Variants in ZEB1 observed in about 807,000 individuals in gnomAD.
ZEB1 encodes the protein zinc finger E-box-binding homeobox 1.
In ZEB1, 21 loss-of-function variants were observed where a neutral mutation model predicts 84.9. The ratio of observed to expected loss-of-function variants is 0.25; its 90% CI spans 0.18 to 0.36. ZEB1 has a LOEUF of 0.36. ZEB1 is among the 10% of genes least tolerant of loss of function. ZEB1 has a pLI of 1.00. For missense variants in ZEB1, 1,104 were observed against 1,330.2 expected (o/e 0.83, Z 2.65); for synonymous variants, 420 against 471.1 (o/e 0.89, Z 1.41).
intron 2 of ZEB1, among the ~76,000 whole-genome samples, chr10:31,465,177 T>C (rs1439056052): frequency 6.6e-6 from 1 of 152,174 alleles, no homozygotes; most frequent in Non-Finnish European, 1.5e-5. Flanking sequence ...TGTGTAAATG[T>C]CTTGTAACTC....
intron 1 of ZEB1, among the ~76,000 whole-genome samples, chr10:31,441,884 C>T (rs2059042625): frequency 1.3e-5 from 2 of 152,164 alleles, no homozygotes; most frequent in Non-Finnish European, 2.9e-5. Flanking sequence ...GTTAGAATGG[C>T]AATCATTAAA....
chr10:31,327,099 C>CTTTTTTTTTTTTTTTTTTTTTTTTT (rs71527629), intron 1 of ZEB1, among the ~76,000 whole-genome samples: 7 of 84,932 alleles, frequency 8.2e-5, no homozygotes, highest in African/African-American at 1.0e-4. Context: ...CTTTTCTTTT[C>CTTTTTTTTTTTTTTTTTTTTTTTTT]TTTTTTTTTT....
At chr10:31,493,282 G>C (rs555554355) in intron 2 of ZEB1, among the ~76,000 whole-genome samples, 1 of 151,958 alleles carries the variant, frequency 6.6e-6, no homozygotes, top group Non-Finnish European at 1.5e-5. Context: ...GCTGTTGCTT[G>C]TATCAATAGT....
At chr10:31,488,901 C>G (rs1394942619) in intron 2 of ZEB1, among the ~76,000 whole-genome samples, 1 of 151,290 alleles carries the variant, frequency 6.6e-6, no homozygotes, top group East Asian at 1.9e-4. Flanking sequence ...GGTGTGTCTA[C>G]ATGAATATTT....
At chr10:31,445,021 G>T (rs368813603) in intron 1 of ZEB1, among the ~76,000 whole-genome samples, 1 of 148,948 alleles carries the variant, frequency 6.7e-6, no homozygotes, top group Non-Finnish European at 1.5e-5. Flanking sequence ...GGCCATTTTC[G>T]CGATATTGAT....
intron 1 of ZEB1, among the ~76,000 whole-genome samples, chr10:31,447,985 C>T (rs1414922154): frequency 1.3e-5 from 2 of 151,538 alleles, no homozygotes; most frequent in Non-Finnish European, 2.9e-5. Flanking sequence ...GGAAGTTCTC[C>T]TGGATAATAT....
intron 1 of ZEB1, among the ~76,000 whole-genome samples, chr10:31,444,675 T>G (rs1227226218): frequency 6.6e-6 from 1 of 152,128 alleles, no homozygotes. Context: ...TAGGGAATCC[T>G]TTCCCCATTG....
At chr10:31,424,166 T>G (rs2136104255) in intron 1 of ZEB1, among the ~76,000 whole-genome samples, 1 of 152,146 alleles carries the variant, frequency 6.6e-6, no homozygotes, top group South Asian at 2.1e-4. Flanking sequence ...TAAATTCACT[T>G]TGAAGAAATG....
Position 31,319,228 on chromosome 10 carries a change from G to A in ZEB1, c.-7G>A, listed in dbSNP as rs1392385533. On this transcript the variant is annotated 5_prime_UTR_variant, in exon 1 of 9. Coordinates refer to ENST00000424869, the MANE Select transcript of ZEB1 (RefSeq NM_001174096.2). Reference sequence around the variant, plus strand: ...GACTCGAGCATTTAGACACAAGCGAGAGGATCATGGCGGATGGCCCCAGGT... The same window carrying A: ...GACTCGAGCATTTAGACACAAGCGAAAGGATCATGGCGGATGGCCCCAGGT... 6.2e-7 allele frequency: 1 copy of A among 1,607,382 alleles called. No individual in the cohort carries two copies. The highest frequency in any genetic ancestry group is 2.2e-5 in the East Asian group (1 of 44,538).
intron 1 of ZEB1, among the ~76,000 whole-genome samples, chr10:31,428,238 G>T (rs1474122188): frequency 1.3e-5 from 2 of 152,074 alleles, no homozygotes; most frequent in African/African-American, 2.4e-5. Context: ...CCTTAGCTGT[G>T]TCCCAGAGAT....
At chr10:31,430,910 C>CA (rs1244409577) in intron 1 of ZEB1, among the ~76,000 whole-genome samples, 6 of 152,166 alleles carry the variant, frequency 3.9e-5, no homozygotes, top group Admixed American at 6.5e-5. Context: ...TACTTACTTT[C>CA]ATTGAAGAAA....
intron 1 of ZEB1, among the ~76,000 whole-genome samples, chr10:31,328,994 G>GGT (rs369444605): frequency 0.018 from 2,756 of 149,490 alleles, 81 homozygotes; most frequent in African/African-American, 0.058. Flanking sequence ...ACCATACCCT[G>GGT]GTGTGTGTGT....
At chr10:31,337,683 G>GT (rs756379165) in intron 1 of ZEB1, among the ~76,000 whole-genome samples, 8,371 of 98,738 alleles carry the variant, frequency 0.085, 885 homozygotes, top group African/African-American at 0.21. Context: ...ATTTCTTTCT[G>GT]TTTTTTTTTT....
In ZEB1 at chr10:31,371,392, T is replaced by C. The variant is rs112462691; in HGVS notation, c.58+52100T>C. 9.4e-4 allele frequency among the ~76,000 whole-genome samples: 143 copies of C among 152,350 alleles called. 3 individuals carry two copies. Among genetic ancestry groups the C allele is most frequent in the African/African-American group, 3.3e-3 (136 of 41,586 alleles). ...TTTCATTTGACTAAGGAATTTATCT[T>C]TGGTCTTCTCCCAGAGTGAGGACAT... On this transcript the variant is annotated intron_variant, in intron 1 of 8. Transcript: ENST00000424869.
chr10:31,471,573 G>T (rs1446004841), intron 2 of ZEB1, among the ~76,000 whole-genome samples: 7 of 142,332 alleles, frequency 4.9e-5, no homozygotes, highest in Non-Finnish European at 1.1e-4. Flanking sequence ...AGTCCTGAGT[G>T]ACCTACAAAG....
chr10:31,404,126 G>A (rs2052547415), intron 1 of ZEB1, among the ~76,000 whole-genome samples: 2 of 151,818 alleles, frequency 1.3e-5, no homozygotes, highest in African/African-American at 4.8e-5. Context: ...TTAAGAGCAG[G>A]AACAATGTAC....
rs570100762 is a variant in ZEB1 at position 31,449,972 on chromosome 10, A to C, written c.59-11065A>C. Reference sequence around the variant, plus strand: ...CATTAGAAGAATATATAACATGCTCAAGGTGACAAGGCTAGTAAGCAGTGA... The same window carrying C: ...CATTAGAAGAATATATAACATGCTCCAGGTGACAAGGCTAGTAAGCAGTGA... On this transcript the variant is annotated intron_variant, in intron 1 of 8. Transcript: ENST00000424869. Among the ~76,000 whole-genome samples the C allele has an allele frequency of 4.6e-5, 7 of 152,332 alleles. No homozygotes were observed. The East Asian group carries it at 1.4e-3, about 29-fold the overall frequency.
At chr10:31,339,912 C>T (rs1457617165) in intron 1 of ZEB1, among the ~76,000 whole-genome samples, 1 of 151,988 alleles carries the variant, frequency 6.6e-6, no homozygotes, top group African/African-American at 2.4e-5. Context: ...TGCTTCATTT[C>T]TCTACTAGGG....
At chr10:31,416,658 A>G (rs975957279) in intron 1 of ZEB1, among the ~76,000 whole-genome samples, 2 of 152,168 alleles carry the variant, frequency 1.3e-5, no homozygotes, top group Non-Finnish European at 2.9e-5. Flanking sequence ...TTATAAAGAT[A>G]TTACAATGTA....
Sources: gnomAD v4.1 joint callset for allele counts (sites outside exome capture counted in the v4.1 genomes callset) on GRCh38, gnomAD v4.1.1 for gene constraint, MANE v1.5 for transcripts, NCBI Gene and HGNC (gene_info 2026-07-23, HGNC 2026-07-21) for gene names.